The following LRGUK variants were observed in gnomAD, a reference collection of about 807,000 sequenced individuals.
The protein encoded by LRGUK is leucine-rich repeat and guanylate kinase domain-containing protein.
A neutral mutation model predicts 76.0 loss-of-function variants in LRGUK; 65 were observed. The observed-to-expected ratio is 0.85, with a 90% CI of 0.70 to 1.05. The LOEUF (loss-of-function observed/expected upper bound fraction) is 1.05, where lower values mean the gene tolerates loss of function less well. LRGUK is among the 50% of genes least tolerant of loss of function. The pLI, the probability that LRGUK is intolerant of heterozygous loss-of-function variation, is 0.00. For synonymous variants in LRGUK, 268 were observed against 265.6 expected, an observed-to-expected ratio of 1.01 and a Z score of -0.09; for missense variants, 758 against 732.8, an observed-to-expected ratio of 1.03 and a Z score of -0.40.
chr7:134,185,934 T>A (rs924622097), intron 11 of LRGUK, among the ~76,000 whole-genome samples: 8 of 152,060 alleles, frequency 5.3e-5, no homozygotes, highest in African/African-American at 1.9e-4. Context: ...AATGTTAGAA[T>A]AAAAATATAG....
At chr7:134,235,443 C>T (rs1745184374) in intron 16 of LRGUK, among the ~76,000 whole-genome samples, 1 of 152,234 alleles carries the variant, frequency 6.6e-6, no homozygotes, top group Non-Finnish European at 1.5e-5. Flanking sequence ...TTTACCACCT[C>T]TATGCTGTCT....
intron 5 of LRGUK, among the ~76,000 whole-genome samples, chr7:134,153,847 C>G (rs1017361066): frequency 7.2e-5 from 11 of 152,172 alleles, no homozygotes; most frequent in African/African-American, 2.7e-4. Flanking sequence ...CATTGCAGCT[C>G]TCTCCACTAA....
At chr7:134,174,442 G>T in intron 7 of LRGUK, 114 bp from the exon 8 acceptor site, 1 of 674,152 alleles carries the variant, frequency 1.5e-6, no homozygotes, top group Admixed American at 2.6e-5. Context: ...GCTAGACAGA[G>T]CAATTTTTAA....
At chr7:134,182,535 G>A (rs1799799690) in intron 10 of LRGUK, among the ~76,000 whole-genome samples, 1 of 152,112 alleles carries the variant, frequency 6.6e-6, no homozygotes, top group Non-Finnish European at 1.5e-5. Flanking sequence ...ATAGGCTTTT[G>A]CTCTCAAGTT....
chr7:134,272,593 T>G, the LRGUK span, among the ~76,000 whole-genome samples: 1 of 152,164 alleles, frequency 6.6e-6, no homozygotes, highest in East Asian at 1.9e-4. Context: ...ATAAAATACC[T>G]TTTACATTAA....
At chr7:134,252,374 A>AAATTAAATTAAATTT (rs1554477639) in intron 18 of LRGUK, among the ~76,000 whole-genome samples, 14 of 150,930 alleles carry the variant, frequency 9.3e-5, no homozygotes, top group Middle Eastern at 3.4e-3. Flanking sequence ...AAATTAAATT[A>AAATTAAATTAAATTT]AATTAAAGGG....
chr7:134,242,403 C>T (rs1265316809), intron 16 of LRGUK, among the ~76,000 whole-genome samples: 3 of 152,144 alleles, frequency 2.0e-5, no homozygotes, highest in African/African-American at 7.2e-5. Flanking sequence ...TACAAACTAC[C>T]ATCAGAGAAT....
Position 134,255,452 on chromosome 7 carries a change from C to T in LRGUK, c.2199-2805C>T, listed in dbSNP as rs60227110. Among the ~76,000 whole-genome samples the T allele has an allele frequency of 1.8e-3, 278 of 152,292 alleles. 2 individuals carry two copies. The highest frequency in any genetic ancestry group is 6.4e-3 in the African/African-American group (265 of 41,574). Reference sequence around the variant, plus strand: ...AGCCACTTGGCTACAGTCTACAAGACTTAGAATTTAACTGAAGGAAGAAGA... The same window carrying T: ...AGCCACTTGGCTACAGTCTACAAGATTTAGAATTTAACTGAAGGAAGAAGA... On this transcript the variant is annotated intron_variant, in intron 18 of 19. Transcript: ENST00000285928.
chr7:134,231,504 GTTCC>G (rs200407527), intron 16 of LRGUK, among the ~76,000 whole-genome samples: 3 of 98,230 alleles, frequency 3.1e-5, no homozygotes, highest in Non-Finnish European at 6.0e-5. Flanking sequence ...TCCTTCCTTC[GTTCC>G]TTCCTTCCTC....
At chr7:134,159,931 C>T (rs1798651398) in intron 6 of LRGUK, among the ~76,000 whole-genome samples, 1 of 152,170 alleles carries the variant, frequency 6.6e-6, no homozygotes, top group South Asian at 2.1e-4. Flanking sequence ...TGTTTTCCGC[C>T]CATGAAGGCA....
At chr7:134,130,734 G>A (rs1797266595) in intron 1 of LRGUK, among the ~76,000 whole-genome samples, 1 of 152,134 alleles carries the variant, frequency 6.6e-6, no homozygotes, top group African/African-American at 2.4e-5. Flanking sequence ...AATGCAATTT[G>A]CCTTAAACCT....
At chr7:134,132,703 G>C (rs1296168701) in intron 1 of LRGUK, among the ~76,000 whole-genome samples, 1 of 152,202 alleles carries the variant, frequency 6.6e-6, no homozygotes, top group African/African-American at 2.4e-5. Flanking sequence ...ACAGAGAATG[G>C]TGGGTTCAAA....
At chr7:134,132,310 A>G (rs867449828) in intron 1 of LRGUK, among the ~76,000 whole-genome samples, 9 of 152,302 alleles carry the variant, frequency 5.9e-5, no homozygotes, top group Middle Eastern at 3.4e-3. Context: ...AGCTATGATC[A>G]TGCCACTGCA....
intron 13 of LRGUK, 51 bp downstream of exon 13, chr7:134,197,156 GGTGT>G: frequency 5.6e-6 from 6 of 1,075,740 alleles, no homozygotes; most frequent in Non-Finnish European, 8.2e-6. Context: ...GTGTGAGTGT[GGTGT>G]GTGTGTATGT....
intron 8 of LRGUK, among the ~76,000 whole-genome samples, chr7:134,176,172 A>C (rs1799469614): frequency 6.6e-6 from 1 of 152,180 alleles, no homozygotes; most frequent in African/African-American, 2.4e-5. Context: ...TGGGAGCTGA[A>C]CAATGAGAAC....
intron 3 of LRGUK, among the ~76,000 whole-genome samples, chr7:134,140,892 A>G (rs1797738090): frequency 6.6e-6 from 1 of 152,320 alleles, no homozygotes; most frequent in African/African-American, 2.4e-5. Flanking sequence ...CAGCCCATCT[A>G]TATACCTCCC....
At chr7:134,170,939 CA>C (rs1799213850) in intron 7 of LRGUK, among the ~76,000 whole-genome samples, 1 of 152,162 alleles carries the variant, frequency 6.6e-6, no homozygotes, top group African/African-American at 2.4e-5. Context: ...CCATCATCAT[CA>C]ACTAGTTGAT....
intron 6 of LRGUK, among the ~76,000 whole-genome samples, chr7:134,159,645 T>A (rs943183293): frequency 8.6e-5 from 13 of 152,008 alleles, no homozygotes; most frequent in African/African-American, 2.7e-4. Flanking sequence ...AAAAATTAGC[T>A]AGGCGCGGTG....
intron 3 of LRGUK, among the ~76,000 whole-genome samples, 178 bp from the exon 4 acceptor site, chr7:134,142,883 CT>C (rs561207607): frequency 3.9e-5 from 6 of 151,984 alleles, no homozygotes; most frequent in South Asian, 4.2e-4. Flanking sequence ...AGTTTTCTAC[CT>C]TTTTTTTGTA....
Sources: gnomAD v4.1 joint callset for allele counts (sites outside exome capture counted in the v4.1 genomes callset) on GRCh38, gnomAD v4.1.1 for gene constraint, MANE v1.5 for transcripts, NCBI Gene and HGNC (gene_info 2026-07-23, HGNC 2026-07-21) for gene names.